The following EXOSC10 variants were observed in gnomAD, a reference collection of about 807,000 sequenced individuals.
The protein encoded by EXOSC10 is exosome complex component 10.
In EXOSC10, 94 loss-of-function variants were observed where a neutral mutation model predicts 126.6. The ratio of observed to expected loss-of-function variants is 0.74; its 90% CI spans 0.63 to 0.88. The LOEUF is 0.88. Among genes scored for constraint, EXOSC10 ranks in the 40% least tolerant of loss-of-function variants. EXOSC10 has a pLI of 0.00. For missense variants in EXOSC10, 1,041 were observed against 1,100.5 expected (o/e 0.95, Z 0.77); for synonymous variants, 395 against 400.8 (o/e 0.99, Z 0.17).
chr1:11,073,354 G>A (rs886147578), intron 19 of EXOSC10, among the ~76,000 whole-genome samples: 1 of 151,918 alleles, frequency 6.6e-6, no homozygotes, highest in African/African-American at 2.4e-5. Flanking sequence ...GGATGGTTTC[G>A]ATCTCCTGAC....
At chr1:11,080,440 T>C in intron 13 of EXOSC10, 59 bp downstream of exon 13, 2 of 1,600,356 alleles carry the variant, frequency 1.2e-6, no homozygotes, top group Non-Finnish European at 1.7e-6. Flanking sequence ...AAGCTTGATT[T>C]TGAAGAACAT....
intron 4 of EXOSC10, 30 bp downstream of exon 4, chr1:11,091,463 A>C (rs774477250): frequency 5.7e-6 from 9 of 1,565,524 alleles, no homozygotes; most frequent in Non-Finnish European, 7.9e-6. Flanking sequence ...GCTGACATCA[A>C]GAGCTCTAGT....
At chr1:11,074,412 G>GTTT in intron 17 of EXOSC10, 86 bp from the exon 18 acceptor site, 1 of 923,666 alleles carries the variant, frequency 1.1e-6, no homozygotes, top group Non-Finnish European at 1.7e-6. Flanking sequence ...AGTTAACAGT[G>GTTT]ATTTTTTTTT....
intron 6 of EXOSC10, among the ~76,000 whole-genome samples, chr1:11,088,829 A>G (rs1167395941): frequency 6.6e-6 from 1 of 152,234 alleles, no homozygotes; most frequent in Non-Finnish European, 1.5e-5. Context: ...ACCTTTTTGC[A>G]TTATATTAAA....
chr1:11,093,838 G>C (rs1056596936), intron 3 of EXOSC10, among the ~76,000 whole-genome samples: 4 of 152,008 alleles, frequency 2.6e-5, no homozygotes, highest in African/African-American at 9.7e-5. Context: ...GGCTGAGGTG[G>C]GGGGGGATTG....
At chr1:11,090,744 C>G in intron 5 of EXOSC10, 76 bp from the exon 6 acceptor site, 1 of 1,192,676 alleles carries the variant, frequency 8.4e-7, no homozygotes, top group Non-Finnish European at 1.2e-6. Flanking sequence ...TAAACTGGTT[C>G]CCTTTGTTTT....
intron 8 of EXOSC10, 42 bp from the exon 9 acceptor site, chr1:11,087,633 T>A: frequency 6.2e-7 from 1 of 1,608,780 alleles, no homozygotes; most frequent in Non-Finnish European, 8.5e-7. Flanking sequence ...AAAACAAAGA[T>A]TATATTAGAC....
chr1:11,066,672 C>G lies in EXOSC10; in HGVS notation c.*46G>C, dbSNP rs1639112695. On this transcript the variant is annotated 3_prime_UTR_variant, in exon 25 of 25. Coordinates refer to ENST00000376936, the MANE Select transcript of EXOSC10 (RefSeq NM_001001998.3). The stretch of plus-strand genomic sequence containing the variant: ...AAATATGTATGTACAAAAGCAGCAC[C>G]AGCATTTGGTGCTTCCGGTCCACAG... 1 of 1,607,308 alleles carries G rather than the reference C, an allele frequency of 6.2e-7. No individual in the cohort carries two copies. The highest frequency in any genetic ancestry group is 1.1e-5 in the South Asian group (1 of 90,978).
intron 3 of EXOSC10, among the ~76,000 whole-genome samples, chr1:11,093,205 T>G (rs1640895799): frequency 6.6e-6 from 1 of 152,228 alleles, no homozygotes; most frequent in Non-Finnish European, 1.5e-5. Context: ...CGATTGACTC[T>G]TTAAAGCTCT....
Position 11,091,121 on chromosome 1 carries a change from T to C in EXOSC10, c.536A>G (p.Asn179Ser), listed in dbSNP as rs1308228771. 1.9e-6 allele frequency: 3 copies of C among 1,613,990 alleles called. No homozygotes were observed. The highest frequency in any genetic ancestry group is 2.5e-6 in the Non-Finnish European group (3 of 1,179,992). Residue 179 changes from asparagine to serine, a missense_variant, in exon 5 of 25, where the codon AAT (asparagine) becomes AGT (serine). Physicochemically the swap from Asn to Ser is conservative, Grantham distance 46. Around this residue, in one of 3 missense-constraint regions of EXOSC10, gnomAD observed 645 missense variants for 656.3 expected, o/e 0.98. Coordinates refer to ENST00000376936, the MANE Select transcript of EXOSC10 (RefSeq NM_001001998.3). ...SETFRLLHAK[N>S]IIRPQLKFRE... ...AAACTTGAGCTGAGGTCGGATGATA[T>C]TTTTTGCATGAAGCAGCCGGAAAGT...
chr1:11,098,729 ACTAT>A (rs1641255009), intron 1 of EXOSC10, among the ~76,000 whole-genome samples: 1 of 152,240 alleles, frequency 6.6e-6, no homozygotes, highest in Non-Finnish European at 1.5e-5. Flanking sequence ...TATAACAGCT[ACTAT>A]CTAAAACTGG....
chr1:11,069,827 G>T, intron 21 of EXOSC10, 97 bp from the exon 22 acceptor site: 1 of 1,314,582 alleles, frequency 7.6e-7, no homozygotes, highest in Non-Finnish European at 1.1e-6. Flanking sequence ...AGCTGCCTAA[G>T]TGGTAAGAAG....
intron 17 of EXOSC10, among the ~76,000 whole-genome samples, chr1:11,074,862 A>G (rs544339302): frequency 1.3e-5 from 2 of 152,312 alleles, no homozygotes; most frequent in African/African-American, 4.8e-5. Flanking sequence ...CTCATAGCCT[A>G]TGAGGTGGTA....
At position 11,076,955 on chromosome 1, in the gene EXOSC10, G is replaced by A. The variant is rs755409722; in HGVS notation, c.1880-7C>T. On this transcript the variant is annotated splice_region_variant and splice_polypyrimidine_tract_variant and intron_variant, in intron 16 of 24. Transcript: ENST00000376936. The stretch of plus-strand genomic sequence containing the variant: ...TTCTGAACTGGCACAGATCCTAGAG[G>A]AGCAGAAGATAGTAAGGTCAAAGCC... 3 of 1,607,512 alleles carry A rather than the reference G, an allele frequency of 1.9e-6. No individual in the cohort carries two copies. The highest frequency in any genetic ancestry group is 1.1e-5 in the South Asian group (1 of 90,956).
Position 11,068,505 on chromosome 1 carries a change from G to C in EXOSC10, c.2550+140C>G, listed in dbSNP as rs1570780348. 24 of 705,964 alleles carry C rather than the reference G, an allele frequency of 3.4e-5. No homozygotes were observed. The East Asian group carries it at 5.4e-4, about 16-fold the overall frequency. The allele number at this position is 705,964 out of a possible 1,614,324, so 43.7% of individuals were successfully genotyped here. ...GTTGCTGGGGTAGCTGATCAGTACT[G>C]TCTGCCCTTGGGAAGAAATGAGGTG... is the stretch of plus-strand genomic sequence containing the variant. On this transcript the variant is annotated intron_variant, in intron 23 of 24. Coordinates refer to ENST00000376936, the MANE Select transcript of EXOSC10 (RefSeq NM_001001998.3).
At chr1:11,097,631 C>T (rs896800141) in intron 2 of EXOSC10, among the ~76,000 whole-genome samples, 2 of 151,540 alleles carry the variant, frequency 1.3e-5, no homozygotes, top group Admixed American at 6.6e-5. Flanking sequence ...GAGGCTGAGG[C>T]AGGAGAATAG....
At chr1:11,085,461 T>C (rs1640436867) in intron 9 of EXOSC10, among the ~76,000 whole-genome samples, 1 of 152,200 alleles carries the variant, frequency 6.6e-6, no homozygotes. Context: ...GATTTTTGAA[T>C]ATTGATTTTG....
chr1:11,096,086 C>T (rs771931762), intron 2 of EXOSC10, among the ~76,000 whole-genome samples: 26 of 151,892 alleles, frequency 1.7e-4, no homozygotes, highest in Non-Finnish European at 2.6e-4. Context: ...CGGGTTCAAG[C>T]GATTCTCGTG....
At chr1:11,095,956 A>C in intron 2 of EXOSC10, 75 bp from the exon 3 acceptor site, 1 of 1,538,756 alleles carries the variant, frequency 6.5e-7, no homozygotes, top group Non-Finnish European at 8.9e-7. Context: ...GAGAATGTTC[A>C]AATGATGTGG....
Sources: allele counts gnomAD v4.1 joint callset (sites outside exome capture counted in the v4.1 genomes callset), GRCh38; gene constraint gnomAD v4.1.1; regional missense constraint gnomAD v4.1.1; transcripts MANE v1.5; gene names NCBI Gene and HGNC (gene_info 2026-07-23, HGNC 2026-07-21).